The following DNAH6 variants were observed in gnomAD, a reference collection of about 807,000 sequenced individuals.
DNAH6 encodes the protein axonemal beta dynein heavy chain 6.
In DNAH6, 340 loss-of-function variants were observed where a neutral mutation model predicts 491.4. That is an observed-to-expected ratio of 0.69 (90% CI 0.63 to 0.76). DNAH6 has a LOEUF of 0.76. Ranked by LOEUF, DNAH6 falls within the 30% of genes least tolerant of loss-of-function variation. The pLI, the probability that DNAH6 is intolerant of heterozygous loss-of-function variation, is 0.00. For synonymous variants in DNAH6, 1,603 were observed against 1,686.1 expected (o/e 0.95, Z 1.21); for missense variants, 4,443 against 4,972.2 (o/e 0.89, Z 3.20).
At chr2:84,680,578 G>C (rs1693686622) in intron 41 of DNAH6, among the ~76,000 whole-genome samples, 1 of 151,984 alleles carries the variant, frequency 6.6e-6, no homozygotes, top group Admixed American at 6.6e-5. Context: ...GCAGGGGCCT[G>C]AGGTGGGAAG....
chr2:84,584,879 G>A (rs1239372264), intron 15 of DNAH6: 2 of 152,252 alleles, frequency 1.3e-5, no homozygotes, highest in East Asian at 3.9e-4. Context: ...AATAAACTTT[G>A]CTGGTATATT....
intron 33 of DNAH6, among the ~76,000 whole-genome samples, chr2:84,646,436 C>T (rs72922769): frequency 6.6e-5 from 10 of 151,962 alleles, no homozygotes; most frequent in Middle Eastern, 3.4e-3. Context: ...AAGCTGGAAA[C>T]GATTAAGCTT....
At position 84,624,397 on chromosome 2, in the gene DNAH6, GTTTCA is replaced by G. The variant is rs1246954894; in HGVS notation, c.4197+11_4197+15del. ...TGAACTTGTTCAATCCAAGGTAACTGTTTCATTTAAGTAAAATTATATACTTCTTT... is the reference window on the plus strand; with the variant it reads ...TGAACTTGTTCAATCCAAGGTAACTGTTTAAGTAAAATTATATACTTCTTT... On this transcript the variant is annotated splice_region_variant and intron_variant, in intron 27 of 76. Transcript: ENST00000389394. 1 of 1,549,872 alleles carries G rather than the reference GTTTCA, an allele frequency of 6.5e-7. No individual in the cohort carries two copies. The highest frequency in any genetic ancestry group is 8.7e-7 in the Non-Finnish European group (1 of 1,146,336).
intron 26 of DNAH6, among the ~76,000 whole-genome samples, chr2:84,623,089 T>C (rs1041831804): frequency 1.3e-5 from 2 of 152,156 alleles, no homozygotes; most frequent in Non-Finnish European, 2.9e-5. Context: ...TACACAAAAA[T>C]CAACTCAAAA....
At chr2:84,740,783 T>C (rs1672453083) in intron 62 of DNAH6, among the ~76,000 whole-genome samples, 1 of 152,198 alleles carries the variant, frequency 6.6e-6, no homozygotes, top group African/African-American at 2.4e-5. Flanking sequence ...TCTTGCCCTC[T>C]GGGAAAAACC....
At chr2:84,754,354 G>C (rs939030036) in intron 63 of DNAH6, among the ~76,000 whole-genome samples, 2 of 151,592 alleles carry the variant, frequency 1.3e-5, no homozygotes, top group Non-Finnish European at 2.9e-5. Flanking sequence ...TAATCTTTTT[G>C]TATTTTTAGT....
chr2:84,566,418 CTT>C (rs971392666), intron 11 of DNAH6, among the ~76,000 whole-genome samples: 1 of 151,950 alleles, frequency 6.6e-6, no homozygotes, highest in Non-Finnish European at 1.5e-5. Flanking sequence ...ATGATGGACA[CTT>C]TTATGTTTTT....
At chr2:84,554,148 G>A (rs921109547) in intron 10 of DNAH6, among the ~76,000 whole-genome samples, 1 of 152,160 alleles carries the variant, frequency 6.6e-6, no homozygotes, top group African/African-American at 2.4e-5. Flanking sequence ...AGGGCAGATG[G>A]ACCACTCTCT....
In DNAH6 at chr2:84,681,354, T is replaced by C. The variant is rs1197813466; in HGVS notation, c.6745-3T>C. On this transcript the variant is annotated splice_region_variant and splice_polypyrimidine_tract_variant and intron_variant, in intron 41 of 76. Transcript: ENST00000389394. ...TCCTCTCATATTATGTTTCTGGTTC[T>C]AGGCCATCTTAAATGGTTTCCTGAG... is the stretch of plus-strand genomic sequence containing the variant. 6.5e-7 allele frequency: 1 copy of C among 1,538,758 alleles called. No homozygotes were observed. The highest frequency in any genetic ancestry group is 2.0e-5 in the Admixed American group (1 of 48,878).
intron 2 of DNAH6, among the ~76,000 whole-genome samples, chr2:84,522,016 AT>A (rs1676192779): frequency 6.6e-6 from 1 of 152,006 alleles, no homozygotes; most frequent in African/African-American, 2.4e-5. Context: ...GAAGAATGTC[AT>A]TTGTGTTTGA....
chr2:84,681,305 A>G (rs1279649709), intron 41 of DNAH6, 52 bp from the exon 42 acceptor site: 6 of 1,388,848 alleles, frequency 4.3e-6, no homozygotes, highest in South Asian at 1.5e-5. Flanking sequence ...TAAAAGATAG[A>G]TATTTGGTTT....
intron 60 of DNAH6, 84 bp downstream of exon 60, chr2:84,722,888 A>G (rs1039931384): frequency 9.3e-6 from 8 of 858,222 alleles, no homozygotes; most frequent in Admixed American, 7.2e-5. Flanking sequence ...CACATAAGCC[A>G]TAAGTCTAGT....
intron 46 of DNAH6, 23 bp downstream of exon 46, chr2:84,694,503 G>A: frequency 6.6e-7 from 1 of 1,512,038 alleles, no homozygotes. Context: ...ATAGCCCATG[G>A]GTGAGAACAG....
rs527460635 is a variant in DNAH6, at chr2:84,588,284, A to G, written c.2482-542A>G. 3.3e-5 allele frequency among the ~76,000 whole-genome samples: 5 copies of G among 152,222 alleles called. No individual in the cohort carries two copies. The East Asian group carries it at 9.6e-4, about 29-fold the overall frequency. Reference sequence around the variant, plus strand: ...CTATAAAGGTTCTCAGATTCCTTCAATTTTCTCAGATTATCCCAAACCTAG... The same window carrying G: ...CTATAAAGGTTCTCAGATTCCTTCAGTTTTCTCAGATTATCCCAAACCTAG... On this transcript the variant is annotated intron_variant, in intron 15 of 76. Coordinates refer to ENST00000389394, the MANE Select transcript of DNAH6 (RefSeq NM_001370.2).
At chr2:84,622,640 G>C (rs1687504273) in intron 26 of DNAH6, among the ~76,000 whole-genome samples, 1 of 152,160 alleles carries the variant, frequency 6.6e-6, no homozygotes, top group African/African-American at 2.4e-5. Context: ...ATGAACATAG[G>C]AGTGCAGATA....
At chr2:84,615,238 A>G (rs992912565) in intron 22 of DNAH6, among the ~76,000 whole-genome samples, 1 of 152,114 alleles carries the variant, frequency 6.6e-6, no homozygotes, top group African/African-American at 2.4e-5. Context: ...ATCCAGTTTC[A>G]TTCTTCTACA....
At chr2:84,658,012 A>AT (rs1409474459) in intron 35 of DNAH6, among the ~76,000 whole-genome samples, 5 of 152,064 alleles carry the variant, frequency 3.3e-5, no homozygotes, top group Non-Finnish European at 2.9e-5. Context: ...TGAAATATGT[A>AT]TTGACAGCTT....
chr2:84,624,201 G>C lies in DNAH6; in HGVS notation c.4072-64G>C. The C allele has an allele frequency of 2.2e-6, 3 of 1,387,826 alleles. No homozygotes were observed. The South Asian group carries it at 4.5e-5, about 21-fold the overall frequency. 86.0% of individuals were successfully genotyped at this position (1,387,826 alleles called of 1,614,324 possible). ...TGTCTCTCCAAATTGAATGGTGAAA[G>C]AGATAATGTATATATGTAAGCTGAT... On this transcript the variant is annotated intron_variant, in intron 26 of 76. Transcript: ENST00000389394.
At chr2:84,716,161 GTA>G (rs747730576) in intron 58 of DNAH6, among the ~76,000 whole-genome samples, 8 of 147,582 alleles carry the variant, frequency 5.4e-5, no homozygotes, top group South Asian at 2.1e-4. Flanking sequence ...ATATATATGG[GTA>G]TATATATATA....
Sources: allele counts gnomAD v4.1 joint callset (sites outside exome capture counted in the v4.1 genomes callset), GRCh38; gene constraint gnomAD v4.1.1; transcripts MANE v1.5; gene names NCBI Gene and HGNC (gene_info 2026-07-23, HGNC 2026-07-21).